Variants in ARHGAP30 observed in about 807,000 individuals in gnomAD.
ARHGAP30 encodes the protein Rho GTPase activating protein 30.
ARHGAP30 carries 23 observed loss-of-function variants against 72.0 expected under a neutral mutation model. The observed-to-expected ratio is 0.32, with a 90% CI of 0.23 to 0.45. The LOEUF is 0.45. Among genes scored for constraint, ARHGAP30 ranks in the 20% least tolerant of loss-of-function variants. The pLI, the probability that ARHGAP30 is intolerant of heterozygous loss-of-function variation, is 1.00. For synonymous variants in ARHGAP30, 576 were observed against 528.2 expected, an observed-to-expected ratio of 1.09 and a Z score of -1.24; for missense variants, 1,319 against 1,383.4, an observed-to-expected ratio of 0.95 and a Z score of 0.74.
intron 1 of ARHGAP30, among the ~76,000 whole-genome samples, chr1:161,063,521 C>T (rs890686317): frequency 1.3e-5 from 2 of 152,180 alleles, no homozygotes; most frequent in African/African-American, 4.8e-5. Flanking sequence ...GGATGTATAT[C>T]GTCTCAGGAC....
intron 3 of ARHGAP30, among the ~76,000 whole-genome samples, chr1:161,055,915 T>TA (rs1376483102): frequency 1.5e-4 from 7 of 47,462 alleles, no homozygotes; most frequent in African/African-American, 3.5e-4. Flanking sequence ...TAAAATAAAA[T>TA]AAAATAAAAT....
rs1332396493 is a variant in ARHGAP30, at chr1:161,048,154, T to G, written c.2867A>C (p.Lys956Thr). 1 of 1,614,152 alleles carries G rather than the reference T, an allele frequency of 6.2e-7. No homozygotes were observed. The highest frequency in any genetic ancestry group is 2.2e-5 in the East Asian group (1 of 44,876). Residue 956 changes from lysine (K) to threonine (T), a missense_variant, in exon 12 of 12, where the codon AAG becomes ACG. This residue lies in a region of ARHGAP30 where 1,097 missense variants were observed against 1,045.2 expected (regional missense o/e 1.05). Coordinates refer to ENST00000368013, the MANE Select transcript of ARHGAP30 (RefSeq NM_001025598.2). ...FAKMPSAMCSKIHVAPANPCP... is the reference protein window; with the variant it reads ...FAKMPSAMCSTIHVAPANPCP... ...TGGATTTGCAGGTGCCACATGAATC[T>G]TGCTACACATTGCACTGGGCATCTT...
chr1:161,068,870 C>T (rs1652951557), intron 1 of ARHGAP30, among the ~76,000 whole-genome samples: 1 of 152,148 alleles, frequency 6.6e-6, no homozygotes, highest in Non-Finnish European at 1.5e-5. Flanking sequence ...CACACCCTCT[C>T]TTTCATTCTT....
chr1:161,055,895 T>A (rs1200639472), intron 3 of ARHGAP30, among the ~76,000 whole-genome samples: 36 of 37,174 alleles, frequency 9.7e-4, no homozygotes, highest in Middle Eastern at 0.013. Context: ...ATAAATAAAA[T>A]AAAATAAAAT....
chr1:161,054,288 C>T (rs1651666923), intron 5 of ARHGAP30, 78 bp downstream of exon 5: 1 of 1,319,756 alleles, frequency 7.6e-7, no homozygotes, highest in African/African-American at 1.5e-5. Context: ...CCCACACAGT[C>T]ACACCTCATC....
chr1:161,065,579 T>C (rs1188860071), intron 1 of ARHGAP30, among the ~76,000 whole-genome samples: 1 of 151,974 alleles, frequency 6.6e-6, no homozygotes, highest in Non-Finnish European at 1.5e-5. Context: ...TCTTTTTTTT[T>C]CTGAGACGGA....
At position 161,069,393 on chromosome 1, in the gene ARHGAP30, T is replaced by G. The variant is rs940847884; in HGVS notation, c.97+135A>C. 8.6e-6 allele frequency: 7 copies of G among 816,212 alleles called. No individual in the cohort carries two copies. Among genetic ancestry groups the G allele is most frequent in the Admixed American group, 2.5e-5 (1 of 39,224 alleles). The allele number at this position is 816,212 out of a possible 1,614,324, so 50.6% of individuals were successfully genotyped here. ...TTCCTGTCTTGCCCACTTACAGTTC[T>G]CTTGAATGGTGACCCCAGGCCACTG... is the stretch of plus-strand genomic sequence containing the variant. On this transcript the variant is annotated intron_variant, in intron 1 of 11. Coordinates refer to ENST00000368013, the MANE Select transcript of ARHGAP30 (RefSeq NM_001025598.2). This position sits in a 1 kb window ranked among gnomAD's most constrained non-coding sequence, Gnocchi z 4.9.
rs974887609 is a variant in ARHGAP30, at chr1:161,056,427, C to T, written c.306G>A (p.Pro102=). ...SLCKAYFREL[P]DPLLTYRLYD... is the part of the protein sequence containing the mutation. ...AGAGCCGGTAAGTGAGCAGGGGATC[C>T]GGCAGTTCTCTGAAATAGGCCTTGC... The change falls in exon 3 of 12, where the codon CCG becomes CCA. Residue 102 remains proline, a synonymous_variant. Coordinates refer to ENST00000368013, the MANE Select transcript of ARHGAP30 (RefSeq NM_001025598.2). The T allele has an allele frequency of 4.2e-5, 68 of 1,613,746 alleles. No individual in the cohort carries two copies. Among genetic ancestry groups the T allele is most frequent in the Non-Finnish European group, 4.7e-5 (55 of 1,179,918 alleles).
At chr1:161,066,677 C>T (rs983845778) in intron 1 of ARHGAP30, among the ~76,000 whole-genome samples, 3 of 136,716 alleles carry the variant, frequency 2.2e-5, no homozygotes, top group African/African-American at 5.5e-5. Context: ...AAAAAAGGCA[C>T]CTAGGGCAAT....
intron 1 of ARHGAP30, among the ~76,000 whole-genome samples, chr1:161,068,998 C>A (rs1026242003): frequency 6.6e-6 from 1 of 152,174 alleles, no homozygotes; most frequent in African/African-American, 2.4e-5. Flanking sequence ...CCGACATCAT[C>A]CCCTGCGGCC....
chr1:161,051,684 G>T lies in ARHGAP30; in HGVS notation c.1050C>A (p.Pro350=), dbSNP rs1481756887. Reference sequence around the variant, plus strand: ...TCTCAGGCAGCAATGGGCTTGGCCGGGGGCTGCTGGGCCCCACCAGCCCCT... The same window carrying T: ...TCTCAGGCAGCAATGGGCTTGGCCGTGGGCTGCTGGGCCCCACCAGCCCCT... ...EPEGLVGPSS[P]RPSPLLPESL... Residue 350 remains proline, a synonymous_variant, in exon 10 of 12, where the codon CCC becomes CCA. Coordinates refer to ENST00000368013, the MANE Select transcript of ARHGAP30 (RefSeq NM_001025598.2). 2 of 1,611,632 alleles carry T rather than the reference G, an allele frequency of 1.2e-6. No individual in the cohort carries two copies. The highest frequency in any genetic ancestry group is 1.3e-5 in the African/African-American group (1 of 74,912).
Position 161,052,554 on chromosome 1 carries a change from T to C in ARHGAP30, c.837-11A>G. Reference sequence around the variant, plus strand: ...AAAGACCCCTTCCTCCTACAAAGAATGGAGGGGCATAATTGGAGGTTGGAA... The same window carrying C: ...AAAGACCCCTTCCTCCTACAAAGAACGGAGGGGCATAATTGGAGGTTGGAA... On this transcript the variant is annotated splice_polypyrimidine_tract_variant and intron_variant, in intron 7 of 11. Transcript: ENST00000368013. The C allele has an allele frequency of 6.2e-7, 1 of 1,613,786 alleles. No homozygotes were observed. Among genetic ancestry groups the C allele is most frequent in the South Asian group, 1.1e-5 (1 of 91,076 alleles).
Position 161,049,205 on chromosome 1 carries a change from C to T in ARHGAP30, c.1816G>A (p.Glu606Lys), listed in dbSNP as rs762914478. The change falls in exon 12 of 12, where the codon GAG (glutamate) becomes AAG (lysine). Residue 606 changes from glutamate to lysine, a missense_variant. Physicochemically the swap from Glu to Lys is moderately conservative, Grantham distance 56 (BLOSUM62 1). Coordinates refer to ENST00000368013, the MANE Select transcript of ARHGAP30 (RefSeq NM_001025598.2). Reference protein sequence around the residue: ...PRPEVEEENGEEVFLSAYDDL... With the variant: ...PRPEVEEENGKEVFLSAYDDL... The stretch of plus-strand genomic sequence containing the variant: ...TCATAGGCACTCAGGAAAACTTCCT[C>T]CCCATTTTCCTCCTCAACTTCAGGC... The T allele has an allele frequency of 3.1e-6, 5 of 1,614,138 alleles. No homozygotes were observed. Among genetic ancestry groups the T allele is most frequent in the Non-Finnish European group, 3.4e-6 (4 of 1,179,998 alleles).
Position 161,058,373 on chromosome 1 carries a change from T to C in ARHGAP30, c.200+1241A>G, listed in dbSNP as rs549714777. ...AGGGCATGGTGGCTCATGCCTGTAATCCCAACACTTTGAGAGGCTAAGGCA... is the reference window on the plus strand; with the variant it reads ...AGGGCATGGTGGCTCATGCCTGTAACCCCAACACTTTGAGAGGCTAAGGCA... On this transcript the variant is annotated intron_variant, in intron 2 of 11. Coordinates refer to ENST00000368013, the MANE Select transcript of ARHGAP30 (RefSeq NM_001025598.2). 2.0e-5 allele frequency among the ~76,000 whole-genome samples: 3 copies of C among 152,002 alleles called. No homozygotes were observed. In the East Asian group the frequency reaches 5.8e-4, roughly 29 times the overall value.
Position 161,052,361 on chromosome 1 carries a change from C to T in ARHGAP30, c.943G>A (p.Asp315Asn). ...CGCAGTGTCCCCTTGTTGGATTTAT[C>T]CTCTGTAAGACAGGGATGTGTGTAG... ...KLPRGAEDREDKSNKGTLRPA... is the reference protein window; with the variant it reads ...KLPRGAEDRENKSNKGTLRPA... Residue 315 changes from aspartate to asparagine, a missense_variant and splice_region_variant, in exon 9 of 12, where the codon GAT (aspartate) becomes AAT (asparagine). Around this residue, in one of 2 missense-constraint regions of ARHGAP30, gnomAD observed 1,097 missense variants for 1,045.2 expected, o/e 1.05. Transcript: ENST00000368013. 1 of 1,614,060 alleles carries T rather than the reference C, an allele frequency of 6.2e-7. No individual in the cohort carries two copies. Among genetic ancestry groups the T allele is most frequent in the Non-Finnish European group, 8.5e-7 (1 of 1,180,034 alleles).
chr1:161,049,816 C>G, intron 10 of ARHGAP30, 127 bp from the exon 11 acceptor site: 1 of 1,280,060 alleles, frequency 7.8e-7, no homozygotes, highest in South Asian at 1.5e-5. Flanking sequence ...ATGACTGATC[C>G]TTTCAGACCA....
rs1302201124 is a variant in ARHGAP30, at chr1:161,052,560, G to A, written c.837-17C>T. 1 of 1,613,978 alleles carries A rather than the reference G, an allele frequency of 6.2e-7. No individual in the cohort carries two copies. The highest frequency in any genetic ancestry group is 2.2e-5 in the East Asian group (1 of 44,884). On this transcript the variant is annotated splice_polypyrimidine_tract_variant and intron_variant, in intron 7 of 11. Transcript: ENST00000368013. ...CCCTTCCTCCTACAAAGAATGGAGG[G>A]GCATAATTGGAGGTTGGAACATGAA...
chr1:161,055,871 AAAAT>A (rs1651811499), intron 3 of ARHGAP30, among the ~76,000 whole-genome samples: 1 of 31,276 alleles, frequency 3.2e-5, no homozygotes, highest in East Asian at 5.4e-4. Context: ...AAAATAAAAT[AAAAT>A]AAAATAAAAA....
In ARHGAP30 at chr1:161,048,442, G is replaced by A. The variant is rs776670329; in HGVS notation, c.2579C>T (p.Thr860Ile). 1.2e-6 allele frequency: 2 copies of A among 1,614,054 alleles called. No homozygotes were observed. Among genetic ancestry groups the A allele is most frequent in the Non-Finnish European group, 1.7e-6 (2 of 1,180,006 alleles). Residue 860 changes from threonine to isoleucine, a missense_variant, in exon 12 of 12, where the codon ACC becomes ATC. This residue lies in a region of ARHGAP30 where 1,097 missense variants were observed against 1,045.2 expected (regional missense o/e 1.05). Coordinates refer to ENST00000368013, the MANE Select transcript of ARHGAP30 (RefSeq NM_001025598.2). ...CGCTACACCTGAACCTTCAGAGAGG[G>A]TGTCCTCTTCTAAATAGTACCCTCC... is the stretch of plus-strand genomic sequence containing the variant. ...RAGGYYLEED[T>I]LSEGSGVASL...
Sources: allele counts gnomAD v4.1 joint callset (sites outside exome capture counted in the v4.1 genomes callset), GRCh38; gene constraint gnomAD v4.1.1; regional missense constraint gnomAD v4.1.1; non-coding constraint Gnocchi (gnomAD v3.1); transcripts MANE v1.5; gene names NCBI Gene and HGNC (gene_info 2026-07-23, HGNC 2026-07-21).